CTNND2: variants seen among roughly 807,000 people sequenced by gnomAD.
The protein encoded by CTNND2 is catenin delta 2.
Under a neutral mutation model 144.4 loss-of-function variants are expected in CTNND2, and 22 were observed. The ratio of observed to expected loss-of-function variants is 0.15; its 90% CI spans 0.11 to 0.22. CTNND2 has a LOEUF of 0.22. Ranked by LOEUF, CTNND2 falls within the 10% of genes least tolerant of loss-of-function variation. The pLI is 1.00. For synonymous variants in CTNND2, 751 were observed against 695.6 expected (o/e 1.08, Z -1.25); for missense variants, 1,353 against 1,618.8 (o/e 0.84, Z 2.82).
intron 1 of CTNND2, among the ~76,000 whole-genome samples, chr5:11,747,014 T>G (rs1788348439): frequency 6.6e-6 from 1 of 152,172 alleles, no homozygotes; most frequent in South Asian, 2.1e-4. Flanking sequence ...AAACCATATA[T>G]ATTTCTACCA....
chr5:11,109,677 A>C (rs757850351), intron 14 of CTNND2, among the ~76,000 whole-genome samples: 16 of 152,236 alleles, frequency 1.1e-4, no homozygotes, highest in Non-Finnish European at 1.9e-4. Flanking sequence ...TCTGAAAAAA[A>C]CCATACACTT....
chr5:11,829,554 T>G (rs1051058993), intron 1 of CTNND2, among the ~76,000 whole-genome samples: 1 of 152,212 alleles, frequency 6.6e-6, no homozygotes, highest in African/African-American at 2.4e-5. Flanking sequence ...CATATGGTGT[T>G]GAGCCTGCCA....
chr5:11,233,714 GTC>G (rs1201691486), intron 10 of CTNND2, among the ~76,000 whole-genome samples: 8 of 102,856 alleles, frequency 7.8e-5, no homozygotes, highest in Admixed American at 2.2e-4. Flanking sequence ...GAGTTTACGT[GTC>G]TGTGTGTGTG....
At chr5:11,002,837 T>C (rs902637390) in intron 18 of CTNND2, among the ~76,000 whole-genome samples, 5 of 152,206 alleles carry the variant, frequency 3.3e-5, no homozygotes. Flanking sequence ...CTTTGTCTTC[T>C]ATCCTTAGAA....
intron 10 of CTNND2, among the ~76,000 whole-genome samples, chr5:11,223,308 T>C (rs1326615657): frequency 1.3e-5 from 2 of 152,220 alleles, no homozygotes; most frequent in African/African-American, 4.8e-5. Flanking sequence ...GCTCAAAGTC[T>C]GGCTGAATCC....
chr5:11,169,015 T>G (rs1477263643), intron 11 of CTNND2, among the ~76,000 whole-genome samples: 1 of 152,218 alleles, frequency 6.6e-6, no homozygotes, highest in African/African-American at 2.4e-5. Flanking sequence ...GTGCTTGCTC[T>G]AGGAAACACT....
intron 6 of CTNND2, among the ~76,000 whole-genome samples, chr5:11,389,545 A>G (rs148434765): frequency 6.6e-6 from 1 of 152,278 alleles, no homozygotes; most frequent in Non-Finnish European, 1.5e-5. Flanking sequence ...TTGTAGATGC[A>G]TTGATATCTA....
At chr5:11,485,248 A>C (rs2149982859) in intron 3 of CTNND2, among the ~76,000 whole-genome samples, 1 of 152,296 alleles carries the variant, frequency 6.6e-6, no homozygotes, top group East Asian at 1.9e-4. Context: ...ACAAAAGGAA[A>C]ACATTTTATG....
At chr5:11,745,378 G>A (rs1788251842) in intron 1 of CTNND2, among the ~76,000 whole-genome samples, 1 of 152,114 alleles carries the variant, frequency 6.6e-6, no homozygotes, top group South Asian at 2.1e-4. Flanking sequence ...GAATCCTGGG[G>A]AGAGGCTAGT....
chr5:11,799,911 T>C (rs1195578903), intron 1 of CTNND2, among the ~76,000 whole-genome samples: 1 of 152,168 alleles, frequency 6.6e-6, no homozygotes, highest in African/African-American at 2.4e-5. Flanking sequence ...ACTCCATGCA[T>C]TTTCTACTAC....
intron 2 of CTNND2, among the ~76,000 whole-genome samples, chr5:11,592,877 G>A (rs1779323623): frequency 6.6e-6 from 1 of 151,076 alleles, no homozygotes; most frequent in Non-Finnish European, 1.5e-5. Context: ...GAAAACTGCA[G>A]TCATAAAGAT....
chr5:11,572,571 C>T (rs868309875), intron 2 of CTNND2, among the ~76,000 whole-genome samples: 1 of 152,068 alleles, frequency 6.6e-6, no homozygotes, highest in East Asian at 1.9e-4. Context: ...TGACATCCTC[C>T]TGATACATCC....
At chr5:11,016,610 C>CAAA (rs1741628049) in intron 18 of CTNND2, among the ~76,000 whole-genome samples, 1 of 152,134 alleles carries the variant, frequency 6.6e-6, no homozygotes, top group Non-Finnish European at 1.5e-5. Flanking sequence ...TTGGCTTTCC[C>CAAA]ACTCCCTGCA....
intron 2 of CTNND2, among the ~76,000 whole-genome samples, chr5:11,587,635 T>C (rs920395718): frequency 2.6e-5 from 4 of 152,106 alleles, no homozygotes; most frequent in African/African-American, 9.6e-5. Context: ...ATAAGTTTTA[T>C]CTTGTGTTTG....
At chr5:11,690,595 G>C (rs570196743) in intron 2 of CTNND2, among the ~76,000 whole-genome samples, 1 of 151,686 alleles carries the variant, frequency 6.6e-6, no homozygotes, top group African/African-American at 2.4e-5. Flanking sequence ...AATTAGCCGG[G>C]CGCGGTGGCG....
intron 2 of CTNND2, among the ~76,000 whole-genome samples, chr5:11,689,861 C>T (rs1270556813): frequency 1.3e-5 from 2 of 152,128 alleles, no homozygotes; most frequent in African/African-American, 4.8e-5. Flanking sequence ...TAGTGCACAT[C>T]GTAACACAGC....
chr5:11,255,758 T>A (rs1281537095), intron 9 of CTNND2, among the ~76,000 whole-genome samples: 2 of 152,156 alleles, frequency 1.3e-5, no homozygotes, highest in Non-Finnish European at 2.9e-5. Flanking sequence ...CCTCCCAGCA[T>A]CAATCAGTCA....
intron 3 of CTNND2, among the ~76,000 whole-genome samples, chr5:11,499,924 T>C (rs1770376438): frequency 6.6e-6 from 1 of 152,180 alleles, no homozygotes; most frequent in South Asian, 2.1e-4. Flanking sequence ...TGTACTTTCA[T>C]TTAGTTTGTT....
intron 2 of CTNND2, among the ~76,000 whole-genome samples, chr5:11,588,092 T>C (rs1368164532): frequency 6.6e-6 from 1 of 152,116 alleles, no homozygotes; most frequent in East Asian, 1.9e-4. Flanking sequence ...CCATTTAGAG[T>C]GTTCAAAACA....
Sources: allele counts gnomAD v4.1 joint callset (sites outside exome capture counted in the v4.1 genomes callset), GRCh38; gene constraint gnomAD v4.1.1; transcripts MANE v1.5; gene names NCBI Gene and HGNC (gene_info 2026-07-23, HGNC 2026-07-21).